The following CPNE8 variants were observed in gnomAD, a reference collection of about 807,000 sequenced individuals.
The protein encoded by CPNE8 is copine-8.
A neutral mutation model predicts 81.5 loss-of-function variants in CPNE8; 45 were observed. The ratio of observed to expected loss-of-function variants is 0.55; its 90% CI spans 0.44 to 0.71. The LOEUF is 0.71. Among genes scored for constraint, CPNE8 ranks in the 30% least tolerant of loss-of-function variants. The pLI is 0.00. For synonymous variants in CPNE8, 252 were observed against 226.3 expected, an observed-to-expected ratio of 1.11 and a Z score of -1.02; for missense variants, 594 against 672.1, an observed-to-expected ratio of 0.88 and a Z score of 1.28.
At chr12:38,820,082 A>T (rs1943089458) in intron 6 of CPNE8, among the ~76,000 whole-genome samples, 1 of 152,094 alleles carries the variant, frequency 6.6e-6, no homozygotes, top group African/African-American at 2.4e-5. Context: ...ACTTCTAAAC[A>T]CTTCCTATAC....
At chr12:38,833,004 C>T (rs761323282) in intron 5 of CPNE8, among the ~76,000 whole-genome samples, 5 of 151,796 alleles carry the variant, frequency 3.3e-5, no homozygotes, top group Non-Finnish European at 7.4e-5. Flanking sequence ...AAATTATACC[C>T]TATCCTTGAA....
At chr12:38,877,370 C>A (rs1213908863) in intron 1 of CPNE8, among the ~76,000 whole-genome samples, 5 of 151,920 alleles carry the variant, frequency 3.3e-5, no homozygotes, top group African/African-American at 9.7e-5. Context: ...CATACACACA[C>A]CCCTCCATGA....
At chr12:38,654,246 T>C (rs1938768676) in intron 19 of CPNE8, among the ~76,000 whole-genome samples, 176 bp from the exon 20 acceptor site, 1 of 152,092 alleles carries the variant, frequency 6.6e-6, no homozygotes, top group East Asian at 1.9e-4. Flanking sequence ...CCAGGCATGG[T>C]GGCTCATGCC....
At chr12:38,664,551 T>C (rs890436940) in intron 19 of CPNE8, among the ~76,000 whole-genome samples, 2 of 152,170 alleles carry the variant, frequency 1.3e-5, no homozygotes, top group Non-Finnish European at 2.9e-5. Context: ...CAGTAATTCC[T>C]GGACTTTTCA....
intron 11 of CPNE8, among the ~76,000 whole-genome samples, chr12:38,727,773 T>A (rs1940737869): frequency 6.6e-6 from 1 of 152,190 alleles, no homozygotes; most frequent in South Asian, 2.1e-4. Flanking sequence ...CGGGGGCTTT[T>A]AAAAGCTCTG....
intron 6 of CPNE8, among the ~76,000 whole-genome samples, chr12:38,817,307 G>A (rs1023897130): frequency 6.6e-6 from 1 of 152,134 alleles, no homozygotes; most frequent in African/African-American, 2.4e-5. Flanking sequence ...AACTAAAAAT[G>A]AATTTATTTT....
intron 1 of CPNE8, among the ~76,000 whole-genome samples, chr12:38,890,928 A>AT (rs58697274): frequency 1.3e-5 from 2 of 148,960 alleles, no homozygotes; most frequent in Non-Finnish European, 3.0e-5. Flanking sequence ...TATATAAAAT[A>AT]TTTTTTTTGA....
intron 13 of CPNE8, among the ~76,000 whole-genome samples, chr12:38,719,755 A>G (rs1940507311): frequency 1.3e-5 from 2 of 152,126 alleles, no homozygotes; most frequent in Non-Finnish European, 2.9e-5. Flanking sequence ...TATTTTACTT[A>G]TAAACATTAT....
chr12:38,905,042 G>C (rs1288491795), intron 1 of CPNE8, among the ~76,000 whole-genome samples: 2 of 152,082 alleles, frequency 1.3e-5, no homozygotes, highest in Non-Finnish European at 2.9e-5. Flanking sequence ...AGGAAGTCCC[G>C]GGCCTAAGCG....
chr12:38,788,463 T>A (rs1457950691), intron 6 of CPNE8, among the ~76,000 whole-genome samples: 1 of 151,908 alleles, frequency 6.6e-6, no homozygotes, highest in African/African-American at 2.4e-5. Flanking sequence ...TATTTCAACA[T>A]AATAAAAGCC....
chr12:38,760,435 G>GTATACATATATATATATATATATATA (rs1941548522), intron 10 of CPNE8, among the ~76,000 whole-genome samples: 1 of 127,276 alleles, frequency 7.9e-6, no homozygotes, highest in African/African-American at 3.5e-5. Flanking sequence ...TGTATGGTGT[G>GTATACATATATATATATATATATATA]TATATATATA....
chr12:38,786,167 AC>A (rs1942181787), intron 6 of CPNE8, among the ~76,000 whole-genome samples: 1 of 152,222 alleles, frequency 6.6e-6, no homozygotes, highest in Non-Finnish European at 1.5e-5. Context: ...TAGAAGAAAC[AC>A]ACTTAACTTA....
At chr12:38,723,875 A>C (rs1565584659) in intron 12 of CPNE8, 42 bp from the exon 13 acceptor site, 2 of 1,135,746 alleles carry the variant, frequency 1.8e-6, no homozygotes, top group Admixed American at 1.9e-5. Context: ...GTTGTTTGTG[A>C]CCCCAAATAG....
In CPNE8 at chr12:38,753,853, G is replaced by A. The variant is rs139616883; in HGVS notation, c.722+6994C>T. On this transcript the variant is annotated intron_variant, in intron 10 of 19. Transcript: ENST00000331366. Reference sequence around the variant, plus strand: ...CCTAAGGTAAAAATTAAACTTCAACGTCAGTATGTACGTATAAGAAAAAAT... The same window carrying A: ...CCTAAGGTAAAAATTAAACTTCAACATCAGTATGTACGTATAAGAAAAAAT... Among the ~76,000 whole-genome samples the A allele has an allele frequency of 5.5e-3, 832 of 152,098 alleles. 7 individuals carry two copies. Among genetic ancestry groups the A allele is most frequent in the South Asian group, 0.023 (111 of 4,806 alleles).
intron 19 of CPNE8, among the ~76,000 whole-genome samples, chr12:38,659,129 G>C (rs1938893317): frequency 6.6e-6 from 1 of 151,822 alleles, no homozygotes; most frequent in Non-Finnish European, 1.5e-5. Flanking sequence ...AGACCCATCA[G>C]TGTCCTGTAC....
At chr12:38,781,488 C>T (rs826883) in intron 6 of CPNE8, among the ~76,000 whole-genome samples, 145,187 of 152,084 alleles carry the variant, frequency 0.95, 69,506 homozygotes, top group East Asian at 1. Context: ...AAAATCAGTA[C>T]ACCTACATTA....
chr12:38,874,257 T>G (rs530015732), intron 2 of CPNE8, among the ~76,000 whole-genome samples: 29 of 152,300 alleles, frequency 1.9e-4, no homozygotes, highest in Admixed American at 6.5e-4. Context: ...CTGTCCCACA[T>G]TGGAGTCATT....
chr12:38,763,021 A>G (rs1941603806), intron 8 of CPNE8, among the ~76,000 whole-genome samples: 1 of 152,026 alleles, frequency 6.6e-6, no homozygotes, highest in African/African-American at 2.4e-5. Context: ...ACTGCACCCA[A>G]CTAATTTTTG....
intron 16 of CPNE8, among the ~76,000 whole-genome samples, chr12:38,684,488 G>T (rs1007853625): frequency 6.6e-6 from 1 of 152,034 alleles, no homozygotes; most frequent in Non-Finnish European, 1.5e-5. Context: ...CAAGCCGAAG[G>T]GTCACACTCA....
Sources: allele counts gnomAD v4.1 joint callset (sites outside exome capture counted in the v4.1 genomes callset), GRCh38; gene constraint gnomAD v4.1.1; transcripts MANE v1.5; gene names NCBI Gene and HGNC (gene_info 2026-07-23, HGNC 2026-07-21).